RHOBTB1: variants seen among roughly 807,000 people sequenced by gnomAD.
RHOBTB1 encodes the protein rho-related BTB domain-containing protein 1.
In RHOBTB1, 40 loss-of-function variants were observed where a neutral mutation model predicts 71.6. The observed-to-expected ratio is 0.56, with a 90% CI of 0.43 to 0.73. The LOEUF is 0.73. Ranked by LOEUF, RHOBTB1 falls within the 30% of genes least tolerant of loss-of-function variation. The probability of loss-of-function intolerance (pLI) is 0.00; values close to 1 mark genes in which losing one functional copy is unlikely to be tolerated. For synonymous variants in RHOBTB1, 319 were observed against 334.9 expected (o/e 0.95, Z 0.52); for missense variants, 797 against 894.0 (o/e 0.89, Z 1.38).
intron 2 of RHOBTB1, among the ~76,000 whole-genome samples, chr10:60,966,962 A>C (rs1383869606): frequency 6.6e-6 from 1 of 151,822 alleles, no homozygotes; most frequent in Non-Finnish European, 1.5e-5. Flanking sequence ...AAGCACGACA[A>C]AGTTCTTGGG....
chr10:60,881,049 T>TTAAA (rs1265083978), intron 7 of RHOBTB1, among the ~76,000 whole-genome samples: 234 of 152,320 alleles, frequency 1.5e-3, no homozygotes, highest in African/African-American at 5.3e-3. Flanking sequence ...ATGGGAGATA[T>TTAAA]TCATGGGGGT....
chr10:60,895,488 T>C (rs1203511038), intron 4 of RHOBTB1, among the ~76,000 whole-genome samples: 1 of 152,226 alleles, frequency 6.6e-6, no homozygotes, highest in Non-Finnish European at 1.5e-5. Context: ...CACCACAACC[T>C]CTGCCTCCTG....
At chr10:61,001,201 TGAG>T (rs1435729226) in intron 1 of RHOBTB1, among the ~76,000 whole-genome samples, 2 of 152,068 alleles carry the variant, frequency 1.3e-5, no homozygotes, top group Non-Finnish European at 2.9e-5. Context: ...GGGCTAGCTG[TGAG>T]GAGGTCAGCG....
intron 2 of RHOBTB1, among the ~76,000 whole-genome samples, chr10:60,929,034 G>T (rs2084067300): frequency 6.6e-6 from 1 of 151,990 alleles, no homozygotes; most frequent in Non-Finnish European, 1.5e-5. Context: ...ATACCAAAGG[G>T]GTAAGTGCTA....
At chr10:60,944,523 C>T (rs2085130919), upstream of RHOBTB1, among the ~76,000 whole-genome samples, 1 of 152,136 alleles carries the variant, frequency 6.6e-6, no homozygotes, top group Non-Finnish European at 1.5e-5. Context: ...GCCCTTTCCC[C>T]GCGCTGCCGG....
chr10:60,927,923 A>G (rs1440746983), intron 2 of RHOBTB1, among the ~76,000 whole-genome samples: 3 of 152,152 alleles, frequency 2.0e-5, no homozygotes, highest in Non-Finnish European at 4.4e-5. Context: ...ATATTTGCAA[A>G]TTACCCATCT....
At chr10:60,917,538 AGCTGTCTTCT>A (rs2083330836) in intron 2 of RHOBTB1, among the ~76,000 whole-genome samples, 1 of 152,156 alleles carries the variant, frequency 6.6e-6, no homozygotes, top group Admixed American at 6.5e-5. Context: ...GCTTGTAGGC[AGCTGTCTTCT>A]TGTGGTGTCC....
chr10:60,975,029 C>T (rs1450255376), intron 2 of RHOBTB1, among the ~76,000 whole-genome samples: 2 of 152,116 alleles, frequency 1.3e-5, no homozygotes, highest in East Asian at 1.9e-4. Context: ...TTGATAACAA[C>T]CACATTAATT....
chr10:60,891,962 G>C (rs2081943970), intron 5 of RHOBTB1, among the ~76,000 whole-genome samples: 1 of 152,002 alleles, frequency 6.6e-6, no homozygotes, highest in Admixed American at 6.6e-5. Context: ...TTTTATAAAG[G>C]GCATCCGCCT....
chr10:60,905,428 C>T (rs2082620802), intron 4 of RHOBTB1, among the ~76,000 whole-genome samples: 1 of 102,788 alleles, frequency 9.7e-6, no homozygotes, highest in Non-Finnish European at 1.7e-5. Flanking sequence ...CCAGCCTGGG[C>T]AATAGTGAGA....
upstream of RHOBTB1, among the ~76,000 whole-genome samples, chr10:60,948,786 G>T (rs997938280): frequency 2.0e-5 from 3 of 152,226 alleles, no homozygotes; most frequent in Non-Finnish European, 4.4e-5. Context: ...TAAGCCAGTG[G>T]CTTTAATAAC....
At chr10:60,950,244 T>C (rs750852096) in intron 2 of RHOBTB1, among the ~76,000 whole-genome samples, 65 of 152,228 alleles carry the variant, frequency 4.3e-4, no homozygotes, top group Non-Finnish European at 8.5e-4. Flanking sequence ...ATAATGTGTA[T>C]CTTTGACATT....
At chr10:60,999,899 G>A (rs534300632) in intron 1 of RHOBTB1, among the ~76,000 whole-genome samples, 2 of 152,118 alleles carry the variant, frequency 1.3e-5, no homozygotes, top group East Asian at 3.8e-4. Context: ...CTTATTTTAC[G>A]ATTCTCTGCT....
rs755335127 is a variant in RHOBTB1, at chr10:60,874,978, C to T, written c.1791G>A (p.Val597=). ...CCTGAGCCAATTCCAAGTAAGAGAGCACTTCTCCGTCAATGCCCACGCCAC... is the reference window on the plus strand; with the variant it reads ...CCTGAGCCAATTCCAAGTAAGAGAGTACTTCTCCGTCAATGCCCACGCCAC... ...ATSGVGIDGE[V]LSYLELAQFH... is the part of the protein sequence containing the mutation. The change falls in exon 9 of 11, where the codon GTG becomes GTA. Residue 597 remains valine (V), a synonymous_variant. Transcript: ENST00000337910. 2.5e-6 allele frequency: 4 copies of T among 1,613,922 alleles called. No individual in the cohort carries two copies. Among genetic ancestry groups the T allele is most frequent in the Admixed American group, 1.7e-5 (1 of 60,018 alleles).
At chr10:60,916,863 G>A (rs2083294525) in intron 2 of RHOBTB1, among the ~76,000 whole-genome samples, 1 of 152,212 alleles carries the variant, frequency 6.6e-6, no homozygotes, top group Non-Finnish European at 1.5e-5. Flanking sequence ...ACGCAATCAC[G>A]ATGGTCCTTT....
Position 60,871,300 on chromosome 10 carries a change from A to C in RHOBTB1, c.*182T>G. On this transcript the variant is annotated 3_prime_UTR_variant, in exon 11 of 11. Transcript: ENST00000337910. ...TCAGCTTCCCTTTTTGTCCAGGCTC[A>C]TTGATGGTGAGCTTGTGCTTTGATC... 1.8e-6 allele frequency: 1 copy of C among 561,780 alleles called. No individual in the cohort carries two copies. The highest frequency in any genetic ancestry group is 3.0e-6 in the Non-Finnish European group (1 of 328,738). The allele number at this position is 561,780 out of a possible 1,614,324, so 34.8% of individuals were successfully genotyped here.
chr10:60,898,677 T>C (rs770010501), intron 4 of RHOBTB1, among the ~76,000 whole-genome samples: 2 of 152,194 alleles, frequency 1.3e-5, no homozygotes, highest in Non-Finnish European at 2.9e-5. Flanking sequence ...ACTTTACCAA[T>C]AGCGTGAGGC....
chr10:60,877,808 G>A, intron 8 of RHOBTB1, 100 bp downstream of exon 8: 2 of 1,197,884 alleles, frequency 1.7e-6, no homozygotes, highest in South Asian at 1.6e-5. Flanking sequence ...TATTTTGGGT[G>A]ATAAAAAATC....
chr10:60,881,620 G>A lies in RHOBTB1; in HGVS notation c.1576-3562C>T, dbSNP rs556945565. On this transcript the variant is annotated intron_variant, in intron 7 of 10. Transcript: ENST00000337910. ...TCTCTCACCCTCAGTCTCTTCATCC[G>A]TTACATGGGAGGAATTTGGAATAGA... is the stretch of plus-strand genomic sequence containing the variant. Among the ~76,000 whole-genome samples, 15 of 152,220 alleles carry A rather than the reference G, an allele frequency of 9.9e-5. No individual in the cohort carries two copies. In the South Asian group the frequency reaches 2.1e-3, roughly 21 times the overall value.
Sources: allele counts gnomAD v4.1 joint callset (sites outside exome capture counted in the v4.1 genomes callset), GRCh38; gene constraint gnomAD v4.1.1; transcripts MANE v1.5; gene names NCBI Gene and HGNC (gene_info 2026-07-23, HGNC 2026-07-21).